Variants in TPRG1 observed in about 807,000 individuals in gnomAD.
The protein encoded by TPRG1 is tumor protein p63 regulated 1.
A neutral mutation model predicts 29.3 loss-of-function variants in TPRG1; 29 were observed. That is an observed-to-expected ratio of 0.99 (90% CI 0.74 to 1.35). The LOEUF (loss-of-function observed/expected upper bound fraction) is 1.35. Ranked by LOEUF, TPRG1 falls within the 40% of genes most tolerant of loss-of-function variation. The probability of loss-of-function intolerance (pLI) is 0.00; values close to 1 mark genes in which losing one functional copy is unlikely to be tolerated. For synonymous variants in TPRG1, 130 were observed against 116.8 expected (o/e 1.11, Z -0.73); for missense variants, 327 against 335.0 (o/e 0.98, Z 0.19).
At chr3:189,143,324 A>G (rs1724831426) in intron 3 of TPRG1, among the ~76,000 whole-genome samples, 1 of 152,228 alleles carries the variant, frequency 6.6e-6, no homozygotes, top group Admixed American at 6.5e-5. Context: ...TGACATCTAT[A>G]TGCTTCAAGG....
intron 1 of TPRG1, among the ~76,000 whole-genome samples, chr3:189,202,312 G>A (rs1054845087): frequency 6.6e-6 from 1 of 152,098 alleles, no homozygotes; most frequent in South Asian, 2.1e-4. Flanking sequence ...CCCTCAGACC[G>A]GGGGTAGGCT....
intron 2 of TPRG1, among the ~76,000 whole-genome samples, chr3:189,131,182 A>AG (rs1397194405): frequency 1.3e-5 from 2 of 152,290 alleles, no homozygotes; most frequent in Admixed American, 1.3e-4. Flanking sequence ...CACTGATGGG[A>AG]GGGCTCAGGG....
At chr3:189,253,500 T>C (rs1053805008) in intron 4 of TPRG1, among the ~76,000 whole-genome samples, 7 of 152,224 alleles carry the variant, frequency 4.6e-5, no homozygotes, top group Admixed American at 1.3e-4. Flanking sequence ...CAGTCTGTCA[T>C]TGATGGGCAT....
chr3:189,228,347 T>C (rs1332213612), intron 3 of TPRG1, among the ~76,000 whole-genome samples: 1 of 150,022 alleles, frequency 6.7e-6, no homozygotes, highest in Non-Finnish European at 1.5e-5. Flanking sequence ...GTATTCCTCA[T>C]AACTGTAGAT....
chr3:189,324,809 A>T lies in TPRG1; in HGVS notation c.*3989A>T, dbSNP rs1361276164. The T allele has an allele frequency of 6.6e-6, 1 of 152,204 alleles. No individual in the cohort carries two copies. Among genetic ancestry groups the T allele is most frequent in the Admixed American group, 6.6e-5 (1 of 15,262 alleles). 9.4% of individuals were successfully genotyped at this position (152,204 alleles called of 1,614,324 possible). ...GGTTTTCAAAGGTTAACAACAACAT[A>T]AAAAAGCCAAGGTATTTGCACAGGG... On this transcript the variant is annotated 3_prime_UTR_variant, in exon 6 of 6. Coordinates refer to ENST00000345063, the MANE Select transcript of TPRG1 (RefSeq NM_198485.4).
chr3:189,237,060 C>A (rs1739599539), intron 3 of TPRG1, among the ~76,000 whole-genome samples: 1 of 152,084 alleles, frequency 6.6e-6, no homozygotes, highest in African/African-American at 2.4e-5. Context: ...GGAACCTGGG[C>A]CATAGAAAGG....
rs1395866440 is a variant in TPRG1 at position 189,190,888 on chromosome 3, C to G, written c.-9-16488C>G. On this transcript the variant is annotated intron_variant, in intron 1 of 5. Transcript: ENST00000345063. ...TTAGCTGCTTTGTGATTGAGTCATA[C>G]ATTTACAGAAAGGCTGATCAAAACC... 5.9e-6 allele frequency: 5 copies of G among 850,490 alleles called. No homozygotes were observed. The East Asian group carries it at 6.1e-4, about 104-fold the overall frequency. The allele number at this position is 850,490 out of a possible 1,614,324, so 52.7% of individuals were successfully genotyped here.
chr3:189,085,547 T>C (rs1703309497), intron 4 of TPRG1, among the ~76,000 whole-genome samples: 2 of 152,136 alleles, frequency 1.3e-5, no homozygotes, highest in Non-Finnish European at 1.5e-5. Flanking sequence ...TAGCTGTTGC[T>C]GTCTGGTTCA....
At chr3:189,146,738 A>G (rs1376589864) in intron 3 of TPRG1, among the ~76,000 whole-genome samples, 1 of 152,210 alleles carries the variant, frequency 6.6e-6, no homozygotes, top group Admixed American at 6.5e-5. Flanking sequence ...AAATGCTAAT[A>G]AATAAAAAAG....
At chr3:189,026,067 ATTAG>A (rs973674003) in intron 4 of TPRG1, among the ~76,000 whole-genome samples, 1 of 152,222 alleles carries the variant, frequency 6.6e-6, no homozygotes. Flanking sequence ...GGGAGAGTGT[ATTAG>A]TTAGCTCGAG....
chr3:189,067,003 T>C (rs941224579), intron 4 of TPRG1, among the ~76,000 whole-genome samples: 7 of 152,058 alleles, frequency 4.6e-5, no homozygotes, highest in African/African-American at 1.7e-4. Flanking sequence ...CTACAAAATT[T>C]AGTAGCATTT....
At chr3:189,078,099 T>TCTTTCTCTCTTTCTCTCTTTCTC (rs1560430781) in intron 4 of TPRG1, among the ~76,000 whole-genome samples, 3 of 45,520 alleles carry the variant, frequency 6.6e-5, no homozygotes, top group African/African-American at 1.4e-4. Flanking sequence ...CTCTCTTTCT[T>TCTTTCTCTCTTTCTCTCTTTCTC]TCTTTCTTTC....
chr3:189,109,775 C>T (rs188051005), intron 1 of TPRG1, among the ~76,000 whole-genome samples: 3 of 152,216 alleles, frequency 2.0e-5, no homozygotes, highest in Admixed American at 2.0e-4. Flanking sequence ...TAACAACCAC[C>T]ACAATCAACA....
At chr3:189,144,245 G>A (rs1010373974) in intron 3 of TPRG1, among the ~76,000 whole-genome samples, 1 of 152,116 alleles carries the variant, frequency 6.6e-6, no homozygotes, top group South Asian at 2.1e-4. Context: ...ATTCAATATG[G>A]TTGTGGCAAG....
intron 4 of TPRG1, among the ~76,000 whole-genome samples, chr3:189,278,647 G>A (rs768785156): frequency 1.3e-5 from 2 of 152,170 alleles, no homozygotes; most frequent in African/African-American, 2.4e-5. Flanking sequence ...ATCTAACATA[G>A]CCTCAGTTTC....
intron 4 of TPRG1, among the ~76,000 whole-genome samples, chr3:189,265,851 C>T (rs1013445113): frequency 2.0e-5 from 3 of 152,118 alleles, no homozygotes; most frequent in Non-Finnish European, 4.4e-5. Context: ...TGTGGAGCTG[C>T]CTTCCACTCC....
At chr3:189,044,885 G>A (rs1472514574) in intron 4 of TPRG1, among the ~76,000 whole-genome samples, 1 of 152,172 alleles carries the variant, frequency 6.6e-6, no homozygotes, top group Non-Finnish European at 1.5e-5. Context: ...ACATACAAGA[G>A]TATAGTATGA....
intron 4 of TPRG1, among the ~76,000 whole-genome samples, chr3:189,260,782 C>T (rs568950835): frequency 1.4e-4 from 21 of 152,286 alleles, no homozygotes; most frequent in African/African-American, 5.1e-4. Flanking sequence ...GCAGCAACTA[C>T]CATCTGCCTC....
intron 5 of TPRG1, among the ~76,000 whole-genome samples, chr3:189,166,880 T>C (rs1051797637): frequency 1.8e-4 from 27 of 152,192 alleles, no homozygotes; most frequent in African/African-American, 6.5e-4. Flanking sequence ...ATATATTGGG[T>C]ATCCGAGTCT....
Sources: allele counts gnomAD v4.1 joint callset (sites outside exome capture counted in the v4.1 genomes callset), GRCh38; gene constraint gnomAD v4.1.1; transcripts MANE v1.5; gene names NCBI Gene and HGNC (gene_info 2026-07-23, HGNC 2026-07-21).